Variants in BUB1B observed in about 807,000 individuals in gnomAD.
The protein encoded by BUB1B is mitotic checkpoint serine/threonine-protein kinase BUB1 beta.
In BUB1B, 86 loss-of-function variants were observed where a neutral mutation model predicts 137.7. That is an observed-to-expected ratio of 0.62 (90% CI 0.52 to 0.75). The LOEUF is 0.75. Among genes scored for constraint, BUB1B ranks in the 30% least tolerant of loss-of-function variants. The pLI is 0.00. For synonymous variants in BUB1B, 420 were observed against 417.9 expected, an observed-to-expected ratio of 1.00 and a Z score of -0.06; for missense variants, 1,130 against 1,236.9, an observed-to-expected ratio of 0.91 and a Z score of 1.30.
intron 11 of BUB1B, 75 bp from the exon 12 acceptor site, chr15:40,200,856 C>T: frequency 8.0e-7 from 1 of 1,251,300 alleles, no homozygotes; most frequent in Non-Finnish European, 1.2e-6. Flanking sequence ...ATGGAAAAGC[C>T]TCTTGGACTT....
intron 1 of BUB1B, among the ~76,000 whole-genome samples, chr15:40,163,434 A>G (rs535424332): frequency 1.3e-5 from 2 of 152,300 alleles, no homozygotes; most frequent in East Asian, 1.9e-4. Flanking sequence ...TAAAGTGTGT[A>G]TGATAATCAT....
chr15:40,204,667 C>T (rs916083404), intron 14 of BUB1B, among the ~76,000 whole-genome samples: 39 of 151,710 alleles, frequency 2.6e-4, no homozygotes, highest in Non-Finnish European at 2.5e-4. Flanking sequence ...GACAGGGCCT[C>T]GCTCTGTCAC....
At chr15:40,200,449 G>A (rs527406091) in intron 11 of BUB1B, 90 bp downstream of exon 11, 39 of 917,020 alleles carry the variant, frequency 4.3e-5, no homozygotes, top group South Asian at 2.6e-4. Flanking sequence ...TCTCCTTGAC[G>A]TTTACAGTAT....
chr15:40,212,545 T>A lies in BUB1B; in HGVS notation c.2432T>A (p.Leu811Ter). The change falls in exon 19 of 23, where the codon TTA (leucine) becomes TAA (stop). Residue 811 changes from leucine (L) to a stop codon, truncating the protein, a stop_gained. Transcript: ENST00000287598. LOFTEE classifies it high-confidence loss of function. ...VPWDFYINLK[L>*]KERLNEDFDH... ...TGGGACTTTTATATCAACCTCAAGT[T>A]AAAGGAACGTTTAAATGAAGATTTT... 6.2e-7 allele frequency: 1 copy of A among 1,613,134 alleles called. No homozygotes were observed. Among genetic ancestry groups the A allele is most frequent in the South Asian group, 1.1e-5 (1 of 91,064 alleles).
chr15:40,206,585 A>C, intron 15 of BUB1B, 127 bp downstream of exon 15: 2 of 1,194,080 alleles, frequency 1.7e-6, no homozygotes, highest in Non-Finnish European at 2.4e-6. Context: ...AGTGCTTTAC[A>C]TGAGAGTAGG....
chr15:40,210,369 C>T (rs1479744175), intron 18 of BUB1B, among the ~76,000 whole-genome samples, 159 bp downstream of exon 18: 2 of 152,064 alleles, frequency 1.3e-5, no homozygotes, highest in Non-Finnish European at 2.9e-5. Flanking sequence ...GAAATCTCTG[C>T]TGATACTTTC....
At chr15:40,180,689 G>C (rs749898088) in intron 5 of BUB1B, among the ~76,000 whole-genome samples, 2 of 114,322 alleles carry the variant, frequency 1.7e-5, no homozygotes, top group Non-Finnish European at 3.2e-5. Flanking sequence ...TCGCTCTGTC[G>C]TCCGGGCTAC....
chr15:40,185,596 C>T lies in BUB1B; in HGVS notation c.1012C>T (p.Pro338Ser). Residue 338 changes from proline (P) to serine (S), a missense_variant, in exon 8 of 23, where the codon CCC becomes TCC. By Grantham distance (74) the Pro-to-Ser change is moderately conservative. Transcript: ENST00000287598. ...ASLIAVPAVLPSFTPYVEETA... is the reference protein window; with the variant it reads ...ASLIAVPAVLSSFTPYVEETA... ...ACTGATAGCTGTACCCGCTGTGCTT[C>T]CCAGTTTCACTCCATATGTGGAAGA... The T allele has an allele frequency of 6.2e-7, 1 of 1,614,204 alleles. No individual in the cohort carries two copies. The highest frequency in any genetic ancestry group is 8.5e-7 in the Non-Finnish European group (1 of 1,180,030).
intron 6 of BUB1B, 88 bp downstream of exon 6, chr15:40,183,971 C>T: frequency 7.1e-7 from 1 of 1,399,562 alleles, no homozygotes; most frequent in Non-Finnish European, 1.0e-6. Context: ...TACCTGTGGA[C>T]ACTTCTAGTT....
At position 40,161,197 on chromosome 15, in the gene BUB1B, G is replaced by A; in HGVS notation, c.-24G>A. 6.2e-7 allele frequency: 1 copy of A among 1,612,832 alleles called. No homozygotes were observed. Among genetic ancestry groups the A allele is most frequent in the Non-Finnish European group, 8.5e-7 (1 of 1,179,408 alleles). ...CCAGAGGAAAGGCCTGCAGCAGGAC[G>A]AGGACCTGAGCCAGGAATGCAGGAT... On this transcript the variant is annotated 5_prime_UTR_variant, in exon 1 of 23. Coordinates refer to ENST00000287598, the MANE Select transcript of BUB1B (RefSeq NM_001211.6).
At chr15:40,186,430 C>CTTTTTTTTTTTT (rs769074759) in intron 8 of BUB1B, among the ~76,000 whole-genome samples, 3 of 67,356 alleles carry the variant, frequency 4.5e-5, no homozygotes, top group East Asian at 5.1e-4. Flanking sequence ...TTGCCTAGTT[C>CTTTTTTTTTTTT]TTTTTTTTTT....
In BUB1B at chr15:40,220,615, C is replaced by T. The variant is rs2037887147; in HGVS notation, c.3009C>T (p.Ala1003=). 6.2e-7 allele frequency: 1 copy of T among 1,614,130 alleles called. No individual in the cohort carries two copies. The highest frequency in any genetic ancestry group is 8.5e-7 in the Non-Finnish European group (1 of 1,180,026). ...AATTCTTTGTGCGGATTCTGAATGCCAATGATGAGGCCACAGTGTCTGTTC... is the reference window on the plus strand; with the variant it reads ...AATTCTTTGTGCGGATTCTGAATGCTAATGATGAGGCCACAGTGTCTGTTC... ...WNKFFVRILN[A]NDEATVSVLG... The change falls in exon 23 of 23, where the codon GCC becomes GCT. Residue 1003 remains alanine, a synonymous_variant. Coordinates refer to ENST00000287598, the MANE Select transcript of BUB1B (RefSeq NM_001211.6).
intron 2 of BUB1B, among the ~76,000 whole-genome samples, chr15:40,168,367 CAAA>C (rs1255586048): frequency 7.1e-6 from 1 of 140,062 alleles, no homozygotes; most frequent in African/African-American, 2.6e-5. Context: ...AATTCCGTCT[CAAA>C]AAAAAAAGAA....
intron 4 of BUB1B, among the ~76,000 whole-genome samples, chr15:40,175,934 C>T (rs1259351040): frequency 1.3e-5 from 2 of 152,066 alleles, no homozygotes; most frequent in Admixed American, 6.6e-5. Context: ...CAAATGTTAA[C>T]CCCTTCCTCC....
intron 2 of BUB1B, among the ~76,000 whole-genome samples, chr15:40,167,878 C>T (rs900874324): frequency 7.9e-5 from 12 of 152,006 alleles, no homozygotes; most frequent in African/African-American, 2.9e-4. Context: ...TATTCTGTTC[C>T]ATTGATCAAA....
intron 4 of BUB1B, chr15:40,174,111 A>C: frequency 3.2e-6 from 1 of 314,780 alleles, no homozygotes; most frequent in Admixed American, 5.0e-5. Context: ...CAGCACTCTG[A>C]ATAACCTGAT....
chr15:40,208,171 TAAC>T (rs1239198315), intron 15 of BUB1B, among the ~76,000 whole-genome samples: 2 of 151,684 alleles, frequency 1.3e-5, no homozygotes, highest in Non-Finnish European at 2.9e-5. Flanking sequence ...AATAAATTGA[TAAC>T]AAATTATAAA....
rs1247752732 is a variant in BUB1B, at chr15:40,165,762, A to G, written c.179+566A>G. Among the ~76,000 whole-genome samples, 13 of 152,306 alleles carry G rather than the reference A, an allele frequency of 8.5e-5. 1 individual carries two copies. In the South Asian group the frequency reaches 2.3e-3, roughly 27 times the overall value. On this transcript the variant is annotated intron_variant, in intron 2 of 22. Coordinates refer to ENST00000287598, the MANE Select transcript of BUB1B (RefSeq NM_001211.6). ...ATCAGAGTATCAGTTTCTACCTTCA[A>G]TCTCTGACAAAAAGAAATACTGCCA... is the stretch of plus-strand genomic sequence containing the variant.
chr15:40,187,423 G>C (rs969386971), intron 8 of BUB1B, among the ~76,000 whole-genome samples: 1 of 151,938 alleles, frequency 6.6e-6, no homozygotes, highest in African/African-American at 2.4e-5. Context: ...ACCGCACCCG[G>C]TCAACAATTT....
Sources: gnomAD v4.1 joint callset for allele counts (sites outside exome capture counted in the v4.1 genomes callset) on GRCh38, gnomAD v4.1.1 for gene constraint, MANE v1.5 for transcripts, NCBI Gene and HGNC (gene_info 2026-07-23, HGNC 2026-07-21) for gene names.